Variants in DPP9 observed in about 807,000 individuals in gnomAD.
The protein encoded by DPP9 is dipeptidyl peptidase IV-related protein-2.
DPP9 carries 50 observed loss-of-function variants against 110.7 expected under a neutral mutation model. That is an observed-to-expected ratio of 0.45 (90% CI 0.36 to 0.57). The LOEUF (loss-of-function observed/expected upper bound fraction) is 0.57, where lower values mean the gene tolerates loss of function less well. DPP9 is among the 20% of genes least tolerant of loss of function. DPP9 has a pLI of 0.00. For synonymous variants in DPP9, 561 were observed against 514.4 expected (o/e 1.09, Z -1.23); for missense variants, 1,022 against 1,217.9 (o/e 0.84, Z 2.39).
Position 4,698,320 on chromosome 19 carries a change from G to A in DPP9, c.1075-669C>T, listed in dbSNP as rs897152363. ...CACAGCATCTCTGGAGGATCAAAGG[G>A]AGAAACGGCAGCAGGGCCTCCAGCT... On this transcript the variant is annotated intron_variant, in intron 10 of 21. Transcript: ENST00000262960. The surrounding 1 kb of genome is among the most constrained non-coding windows in gnomAD (Gnocchi z 4.2). Among the ~76,000 whole-genome samples the A allele has an allele frequency of 5.9e-5, 9 of 152,220 alleles. No homozygotes were observed. In the South Asian group the frequency reaches 6.2e-4, roughly 10 times the overall value.
chr19:4,701,814 C>T (rs1440325675), intron 9 of DPP9, among the ~76,000 whole-genome samples: 1 of 152,216 alleles, frequency 6.6e-6, no homozygotes, highest in Non-Finnish European at 1.5e-5. Context: ...CCAGAGACAG[C>T]TTGCTCACTT....
intron 2 of DPP9, among the ~76,000 whole-genome samples, chr19:4,721,273 G>A (rs2093311044): frequency 1.3e-5 from 2 of 152,256 alleles, no homozygotes; most frequent in African/African-American, 4.8e-5. Context: ...GGGAATATCA[G>A]TTCCACAGGG....
At chr19:4,706,183 G>A (rs570670147) in intron 4 of DPP9, among the ~76,000 whole-genome samples, 9 of 152,044 alleles carry the variant, frequency 5.9e-5, no homozygotes, top group Admixed American at 2.0e-4. Context: ...TGAATCTCAC[G>A]GCCTGAATTA....
In DPP9 at chr19:4,685,450, G is replaced by A; in HGVS notation, c.2031+176C>T. ...CGTGCAAACGGGCACAGAGAAAGGA[G>A]GGTGAGGGGCCCCGAGGACCCTGTG... On this transcript the variant is annotated intron_variant, in intron 17 of 21. Transcript: ENST00000262960. The surrounding 1 kb of genome is among the most constrained non-coding windows in gnomAD (Gnocchi z 5.8). 1 of 705,782 alleles carries A rather than the reference G, an allele frequency of 1.4e-6. No individual in the cohort carries two copies. 43.7% of individuals were successfully genotyped at this position (705,782 alleles called of 1,614,324 possible). A position where few individuals can be genotyped will look rare whatever the true frequency, so the allele number is the denominator to read the frequency against.
At chr19:4,701,260 G>A (rs1404687411) in intron 9 of DPP9, among the ~76,000 whole-genome samples, 1 of 152,194 alleles carries the variant, frequency 6.6e-6, no homozygotes, top group Non-Finnish European at 1.5e-5. Context: ...TTGAGGCCAG[G>A]AGTTCGAAAC....
Position 4,684,765 on chromosome 19 carries a change from C to A in DPP9, c.2076G>T (p.Arg692=). ...AGCCCAGGGAGGCCAGTGTGTTGAGCCGCAAGTACTTGATGCCTTTGAAGG... is the reference window on the plus strand; with the variant it reads ...AGCCCAGGGAGGCCAGTGTGTTGAGACGCAAGTACTTGATGCCTTTGAAGG... The part of the protein sequence containing the change: ...NNSFKGIKYL[R]LNTLASLGYA... The change falls in exon 18 of 22, where the codon CGG becomes CGT. Residue 692 remains arginine (R), a synonymous_variant. Coordinates refer to ENST00000262960, the MANE Select transcript of DPP9 (RefSeq NM_139159.5). The surrounding 1 kb of genome is among the most constrained non-coding windows in gnomAD (Gnocchi z 4.8). 1 of 1,604,522 alleles carries A rather than the reference C, an allele frequency of 6.2e-7. No homozygotes were observed.
chr19:4,722,662 T>C (rs1017488897), intron 1 of DPP9, 111 bp from the exon 2 acceptor site: 2 of 677,284 alleles, frequency 3.0e-6, no homozygotes, highest in Non-Finnish European at 5.4e-6. Flanking sequence ...TCTACCTGGC[T>C]AGATTCTAGC....
chr19:4,685,760 C>A lies in DPP9; in HGVS notation c.1897G>T (p.Asp633Tyr). The A allele has an allele frequency of 1.2e-6, 2 of 1,613,062 alleles. No homozygotes were observed. The highest frequency in any genetic ancestry group is 1.7e-6 in the Non-Finnish European group (2 of 1,179,820). ...SMMEAASCPPDYVPPEIFHFH... is the reference protein window; with the variant it reads ...SMMEAASCPPYYVPPEIFHFH... ...TGGAAGATCTCTGGAGGAACATAAT[C>A]CGGGGGGCAGCCTGCGGGAGACAGG... Residue 633 changes from aspartate (D) to tyrosine (Y), a missense_variant, in exon 17 of 22, where the codon GAT becomes TAT. Asp to Tyr is a radical substitution (Grantham distance 160, BLOSUM62 -3). Around this residue, in one of 3 missense-constraint regions of DPP9, gnomAD observed 810 missense variants for 920.6 expected, o/e 0.88. Transcript: ENST00000262960. The surrounding 1 kb of genome is among the most constrained non-coding windows in gnomAD (Gnocchi z 5.8).
chr19:4,686,896 G>A (rs949841751), intron 16 of DPP9, among the ~76,000 whole-genome samples: 16 of 152,214 alleles, frequency 1.1e-4, no homozygotes, highest in South Asian at 4.1e-4. Context: ...CATCTGCTGC[G>A]GTAGCGCTAA....
At chr19:4,703,442 T>C (rs2092406914) in intron 7 of DPP9, among the ~76,000 whole-genome samples, 1 of 139,850 alleles carries the variant, frequency 7.2e-6, no homozygotes, top group Admixed American at 7.4e-5. Context: ...CTGGCCAACA[T>C]GGGGAAACCT....
chr19:4,681,053 C>G lies in DPP9; in HGVS notation c.2475-1107G>C, dbSNP rs754584102. Among the ~76,000 whole-genome samples the G allele has an allele frequency of 9.4e-4, 143 of 152,200 alleles. 1 individual carries two copies. Among genetic ancestry groups the G allele is most frequent in the Middle Eastern group, 3.2e-3 (1 of 316 alleles). On this transcript the variant is annotated intron_variant, in intron 20 of 21. Transcript: ENST00000262960. ...GGCCAACACGCAGCCTCACCAGAAT[C>G]GGCTGCCCTAGCCCTTCCTGTCCGA...
chr19:4,686,279 CG>C (rs1555713317), intron 16 of DPP9, among the ~76,000 whole-genome samples: 1 of 150,124 alleles, frequency 6.7e-6, no homozygotes, highest in Non-Finnish European at 1.5e-5. Context: ...TTAGTAGAGA[CG>C]GGGTTTCACC....
chr19:4,692,950 C>G (rs539689463), intron 13 of DPP9, among the ~76,000 whole-genome samples: 1 of 152,290 alleles, frequency 6.6e-6, no homozygotes, highest in Non-Finnish European at 1.5e-5. Flanking sequence ...TACTCAGCTC[C>G]GTGGCAGCCT....
chr19:4,680,947 ACT>A (rs1346128149), intron 20 of DPP9, among the ~76,000 whole-genome samples: 1 of 151,910 alleles, frequency 6.6e-6, no homozygotes, highest in Admixed American at 6.6e-5. Flanking sequence ...ACAGAGTGAG[ACT>A]CTCTCAACAA....
At chr19:4,691,646 A>C (rs1203703712) in intron 13 of DPP9, among the ~76,000 whole-genome samples, 1 of 149,084 alleles carries the variant, frequency 6.7e-6, no homozygotes, top group Non-Finnish European at 1.5e-5. Flanking sequence ...CTCTTAGGAC[A>C]CATTAGGACT....
In DPP9 at chr19:4,714,257, G is replaced by A; in HGVS notation, c.137C>T (p.Thr46Ile). Residue 46 changes from threonine to isoleucine, a missense_variant, in exon 4 of 22, where the codon ACA becomes ATA. This residue lies in a region of DPP9 where 810 missense variants were observed against 920.6 expected (regional missense o/e 0.88). Coordinates refer to ENST00000262960, the MANE Select transcript of DPP9 (RefSeq NM_139159.5). ...CTGGAAGCGGGCGGCCGGGTCATCT[G>A]TGGCGGCTGCGTCGCCTCGGTCGGC... ...PTADRGDAAA[T>I]DDPAARFQVQ... 1 of 1,579,644 alleles carries A rather than the reference G, an allele frequency of 6.3e-7. No homozygotes were observed. The highest frequency in any genetic ancestry group is 8.6e-7 in the Non-Finnish European group (1 of 1,164,226).
At chr19:4,722,710 G>A (rs528984671) in intron 1 of DPP9, 159 bp from the exon 2 acceptor site, 82 of 608,672 alleles carry the variant, frequency 1.3e-4, no homozygotes, top group African/African-American at 1.2e-3. Flanking sequence ...TGCATGCCCT[G>A]GACAGAATCT....
At chr19:4,683,749 A>G (rs1355489617) in intron 18 of DPP9, 120 bp from the exon 19 acceptor site, 2 of 1,599,216 alleles carry the variant, frequency 1.3e-6, no homozygotes, top group Non-Finnish European at 1.7e-6. Flanking sequence ...GCTCGCTGGA[A>G]GCCCCCTGTC....
At chr19:4,713,906 A>AG (rs1395001036) in intron 4 of DPP9, among the ~76,000 whole-genome samples, 175 bp downstream of exon 4, 1 of 151,888 alleles carries the variant, frequency 6.6e-6, no homozygotes, top group Non-Finnish European at 1.5e-5. Context: ...ACCCCGCGGC[A>AG]GCCCTTCCCT....
Sources: gnomAD v4.1 joint callset for allele counts (sites outside exome capture counted in the v4.1 genomes callset) on GRCh38, gnomAD v4.1.1 for gene constraint, gnomAD v4.1.1 regional missense constraint, Gnocchi (gnomAD v3.1) non-coding constraint, MANE v1.5 for transcripts, NCBI Gene and HGNC (gene_info 2026-07-23, HGNC 2026-07-21) for gene names.